Variants in LAMA2 observed in about 807,000 individuals in gnomAD.
The protein encoded by LAMA2 is laminin subunit alpha-2.
Under a neutral mutation model 364.8 loss-of-function variants are expected in LAMA2, and 269 were observed. The observed-to-expected ratio is 0.74, with a 90% confidence interval of 0.67 to 0.82. LAMA2 has a LOEUF of 0.82. Ranked by LOEUF, LAMA2 falls within the 40% of genes least tolerant of loss-of-function variation. LAMA2 has a pLI of 0.00. For missense variants in LAMA2, 3,807 were observed against 3,873.2 expected (o/e 0.98, Z 0.45); for synonymous variants, 1,379 against 1,370.6 (o/e 1.01, Z -0.14).
At chr6:129,269,401 G>A (rs1323575163) in intron 16 of LAMA2, among the ~76,000 whole-genome samples, 2 of 147,994 alleles carry the variant, frequency 1.4e-5, no homozygotes, top group African/African-American at 2.5e-5. Context: ...TAGGTTGTCT[G>A]ATGCAGTTTT....
intron 34 of LAMA2, among the ~76,000 whole-genome samples, chr6:129,372,212 T>C (rs1490413080): frequency 6.6e-6 from 1 of 152,196 alleles, no homozygotes; most frequent in East Asian, 1.9e-4. Flanking sequence ...ATTCTATGGG[T>C]TTGGAAAAAT....
intron 1 of LAMA2, among the ~76,000 whole-genome samples, chr6:128,942,650 TA>T (rs960486141): frequency 3.6e-4 from 54 of 149,188 alleles, no homozygotes; most frequent in East Asian, 9.8e-4. Flanking sequence ...TTCTGTAGAA[TA>T]AAAAAAAAAG....
intron 49 of LAMA2, 147 bp from the exon 50 acceptor site, chr6:129,464,143 A>G (rs1208191294): frequency 2.7e-6 from 2 of 733,724 alleles, no homozygotes; most frequent in Admixed American, 4.0e-5. Flanking sequence ...GGCAGTAGAG[A>G]TGGAGATAAG....
intron 18 of LAMA2, among the ~76,000 whole-genome samples, chr6:129,281,111 C>T (rs1788687996): frequency 6.6e-6 from 1 of 151,712 alleles, no homozygotes; most frequent in African/African-American, 2.4e-5. Flanking sequence ...GCAACAAGTA[C>T]TATTTGTGAG....
chr6:129,478,542 GA>G (rs1208672358), intron 53 of LAMA2, 150 bp from the exon 54 acceptor site: 2 of 769,362 alleles, frequency 2.6e-6, no homozygotes, highest in African/African-American at 1.7e-5. Context: ...GTAGACAATG[GA>G]AACCAGAGTT....
chr6:129,328,130 TCAAAA>T, intron 28 of LAMA2, 143 bp from the exon 29 acceptor site: 1 of 742,280 alleles, frequency 1.3e-6, no homozygotes, highest in Non-Finnish European at 2.4e-6. Context: ...ACATTAAGTA[TCAAAA>T]TCGGCACTTG....
chr6:129,071,786 G>A (rs1040647734), intron 3 of LAMA2, among the ~76,000 whole-genome samples: 9 of 152,040 alleles, frequency 5.9e-5, no homozygotes, highest in African/African-American at 1.9e-4. Flanking sequence ...AATTCTTTGA[G>A]ACTAAACTTT....
intron 1 of LAMA2, among the ~76,000 whole-genome samples, chr6:128,995,444 C>A (rs1783869508): frequency 6.6e-6 from 1 of 152,170 alleles, no homozygotes; most frequent in Non-Finnish European, 1.5e-5. Context: ...GCTTCAGCCT[C>A]CATAGTAGCT....
intron 1 of LAMA2, among the ~76,000 whole-genome samples, chr6:128,991,410 C>T (rs886210795): frequency 7.2e-5 from 11 of 152,008 alleles, no homozygotes; most frequent in African/African-American, 2.4e-4. Flanking sequence ...TGGATGAAAG[C>T]GATTCAATCT....
At chr6:129,300,626 G>A (rs1261044795) in intron 21 of LAMA2, 110 bp from the exon 22 acceptor site, 6 of 1,096,208 alleles carry the variant, frequency 5.5e-6, no homozygotes, top group Admixed American at 1.7e-5. Context: ...ATCCTTAAGT[G>A]TAGAACTGAA....
At chr6:128,893,415 C>T (rs1022711678) in intron 1 of LAMA2, among the ~76,000 whole-genome samples, 1 of 151,554 alleles carries the variant, frequency 6.6e-6, no homozygotes, top group African/African-American at 2.4e-5. Context: ...TATTAATATA[C>T]ATATATGTAT....
At chr6:129,313,390 C>A (rs1003251953) in intron 23 of LAMA2, among the ~76,000 whole-genome samples, 1 of 152,018 alleles carries the variant, frequency 6.6e-6, no homozygotes, top group African/African-American at 2.4e-5. Flanking sequence ...AGATTTGCTT[C>A]GATAAGGACA....
At chr6:128,926,045 G>A (rs1398117232) in intron 1 of LAMA2, among the ~76,000 whole-genome samples, 1 of 152,126 alleles carries the variant, frequency 6.6e-6, no homozygotes, top group Non-Finnish European at 1.5e-5. Context: ...ATATTCATGA[G>A]AATGTTTCAC....
At chr6:129,305,984 A>G (rs1337345023) in intron 22 of LAMA2, among the ~76,000 whole-genome samples, 1 of 151,950 alleles carries the variant, frequency 6.6e-6, no homozygotes, top group African/African-American at 2.4e-5. Context: ...ATATTATACC[A>G]CTTTACATTT....
intron 20 of LAMA2, among the ~76,000 whole-genome samples, chr6:129,297,410 C>G (rs1773253396): frequency 6.6e-6 from 1 of 152,108 alleles, no homozygotes; most frequent in Non-Finnish European, 1.5e-5. Context: ...TTGAGAAGTA[C>G]TGGGACAGGC....
At chr6:129,069,754 C>A (rs1773182911) in intron 3 of LAMA2, among the ~76,000 whole-genome samples, 2 of 146,822 alleles carry the variant, frequency 1.4e-5, no homozygotes, top group African/African-American at 2.5e-5. Flanking sequence ...ATAAAATATA[C>A]AAAATATAGA....
chr6:129,373,122 G>C (rs915447157), intron 34 of LAMA2, among the ~76,000 whole-genome samples: 12 of 152,094 alleles, frequency 7.9e-5, no homozygotes, highest in Non-Finnish European at 1.3e-4. Flanking sequence ...TCACAGAGCA[G>C]AAGTTTTTAA....
chr6:128,971,327 C>G (rs988458010), intron 1 of LAMA2, among the ~76,000 whole-genome samples: 1 of 151,956 alleles, frequency 6.6e-6, no homozygotes, highest in Non-Finnish European at 1.5e-5. Flanking sequence ...GGATACCTGC[C>G]CTCAAGAAAG....
chr6:129,449,989 T>C (rs1782588842), intron 45 of LAMA2, among the ~76,000 whole-genome samples: 2 of 151,448 alleles, frequency 1.3e-5, no homozygotes, highest in African/African-American at 2.4e-5. Context: ...TATTTTTAGT[T>C]GATACAGGGC....
Sources: allele counts gnomAD v4.1 joint callset (sites outside exome capture counted in the v4.1 genomes callset), GRCh38; gene constraint gnomAD v4.1.1; transcripts MANE v1.5; gene names NCBI Gene and HGNC (gene_info 2026-07-23, HGNC 2026-07-21).